The following CTNNA2 variants were observed in gnomAD, a reference collection of about 807,000 sequenced individuals.
CTNNA2 encodes the protein catenin alpha-2.
CTNNA2 carries 42 observed loss-of-function variants against 101.0 expected under a neutral mutation model. That is an observed-to-expected ratio of 0.42 (90% confidence interval 0.32 to 0.54). The LOEUF is 0.54. CTNNA2 is among the 20% of genes least tolerant of loss of function. The probability of loss-of-function intolerance (pLI) is 0.14; values close to 1 mark genes in which losing one functional copy is unlikely to be tolerated. For missense variants in CTNNA2, 871 were observed against 1,223.1 expected (o/e 0.71, Z 4.29); for synonymous variants, 450 against 456.4 (o/e 0.99, Z 0.18).
chr2:79,456,930 G>C (rs1037252450), intron 4 of CTNNA2, among the ~76,000 whole-genome samples: 2 of 152,258 alleles, frequency 1.3e-5, no homozygotes, highest in African/African-American at 4.8e-5. Context: ...GGCCGGGCAT[G>C]GTGGCTCACG....
At chr2:79,607,858 G>T (rs1210075931) in intron 1 of CTNNA2, among the ~76,000 whole-genome samples, 1 of 151,710 alleles carries the variant, frequency 6.6e-6, no homozygotes, top group African/African-American at 2.4e-5. Flanking sequence ...TAATAATCTA[G>T]AAAAAGAAGG....
chr2:79,265,395 A>G (rs1191703278), intron 2 of CTNNA2, among the ~76,000 whole-genome samples: 1 of 152,158 alleles, frequency 6.6e-6, no homozygotes, highest in Non-Finnish European at 1.5e-5. Flanking sequence ...TATTGGAGGG[A>G]TGTAGCTTTT....
At chr2:79,287,538 C>T (rs1573034335) in intron 2 of CTNNA2, among the ~76,000 whole-genome samples, 1 of 112,310 alleles carries the variant, frequency 8.9e-6, no homozygotes, top group South Asian at 3.0e-4. Context: ...TCTGCCCCTG[C>T]TGGGGGGTGC....
At chr2:80,396,839 C>T (rs992159018) in intron 8 of CTNNA2, among the ~76,000 whole-genome samples, 1 of 152,200 alleles carries the variant, frequency 6.6e-6, no homozygotes, top group Non-Finnish European at 1.5e-5. Flanking sequence ...TTCCTTCACC[C>T]TTACTAGCCA....
chr2:80,060,570 G>A (rs986749032), intron 7 of CTNNA2, among the ~76,000 whole-genome samples: 1 of 152,120 alleles, frequency 6.6e-6, no homozygotes, highest in Non-Finnish European at 1.5e-5. Context: ...TTATCACTGT[G>A]TGATTGTAAT....
chr2:79,419,172 A>C (rs79840024), intron 4 of CTNNA2, among the ~76,000 whole-genome samples: 7,241 of 152,218 alleles, frequency 0.048, 372 homozygotes, highest in African/African-American at 0.13. Context: ...TGTGTTACTT[A>C]CTAGCTTTGT....
intron 2 of CTNNA2, among the ~76,000 whole-genome samples, chr2:79,285,837 T>C (rs1675558908): frequency 6.8e-6 from 1 of 147,484 alleles, no homozygotes; most frequent in Admixed American, 6.6e-5. Context: ...TTGATCTGTC[T>C]AATGTTGACA....
chr2:79,189,551 A>C (rs182076650), intron 1 of CTNNA2, among the ~76,000 whole-genome samples: 1 of 152,328 alleles, frequency 6.6e-6, no homozygotes, highest in African/African-American at 2.4e-5. Context: ...TTCCGATAAT[A>C]TTGCTGCAAG....
At chr2:79,280,623 C>CTGTGTGTGTGTGTGTGTGTGTGTGTGTG in intron 2 of CTNNA2, among the ~76,000 whole-genome samples, 1 of 129,198 alleles carries the variant, frequency 7.7e-6, no homozygotes, top group African/African-American at 3.0e-5. Flanking sequence ...ATCCTGTATG[C>CTGTGTGTGTGTGTGTGTGTGTGTGTGTG]TGTGTGTGTG....
At chr2:80,262,506 C>T (rs997520014) in intron 7 of CTNNA2, among the ~76,000 whole-genome samples, 4 of 152,122 alleles carry the variant, frequency 2.6e-5, no homozygotes, top group Non-Finnish European at 4.4e-5. Flanking sequence ...AGAAGTGCTT[C>T]GCTGCTGCTT....
At chr2:79,708,443 T>G (rs1014791835) in intron 2 of CTNNA2, among the ~76,000 whole-genome samples, 1 of 152,230 alleles carries the variant, frequency 6.6e-6, no homozygotes. Context: ...TCATGAGATC[T>G]GTGTTCTGGT....
chr2:79,678,542 CAAA>C (rs569707654), intron 2 of CTNNA2, among the ~76,000 whole-genome samples: 2 of 99,016 alleles, frequency 2.0e-5, no homozygotes. Context: ...CTCAAACAAA[CAAA>C]AAAAAAAAAA....
At chr2:79,739,701 C>G (rs1671149174) in intron 2 of CTNNA2, among the ~76,000 whole-genome samples, 1 of 152,168 alleles carries the variant, frequency 6.6e-6, no homozygotes, top group Non-Finnish European at 1.5e-5. Flanking sequence ...TACCATCTAC[C>G]AAGACCTAGT....
chr2:80,392,170 T>C (rs1462344480), intron 7 of CTNNA2, among the ~76,000 whole-genome samples: 1 of 152,220 alleles, frequency 6.6e-6, no homozygotes, highest in East Asian at 1.9e-4. Flanking sequence ...TGCCAAATCA[T>C]GTTATCCCAT....
intron 7 of CTNNA2, among the ~76,000 whole-genome samples, chr2:80,159,055 T>C (rs1704151534): frequency 6.6e-6 from 1 of 152,188 alleles, no homozygotes; most frequent in African/African-American, 2.4e-5. Flanking sequence ...GACATGTGGG[T>C]TGTTTCCAGG....
rs766744531 is a variant in CTNNA2 at position 79,640,210 on chromosome 2, A to AAAGT, written c.-5-11341_-5-11338dup. 1.5e-3 allele frequency among the ~76,000 whole-genome samples: 232 copies of AAAGT among 152,308 alleles called. 1 individual carries two copies. The highest frequency in any genetic ancestry group is 9.4e-4 in the Non-Finnish European group (64 of 68,026). On this transcript the variant is annotated intron_variant, in intron 1 of 18. Transcript: ENST00000402739. Reference sequence around the variant, plus strand: ...ATACCAGTGGAATTCAGAGAAAAGAAAAGTCACTAGGGCTTGTGTAAACAG... The same window carrying AAAGT: ...ATACCAGTGGAATTCAGAGAAAAGAAAAGTAAGTCACTAGGGCTTGTGTAAACAG...
At chr2:80,163,503 A>C (rs1704469037) in intron 7 of CTNNA2, among the ~76,000 whole-genome samples, 1 of 151,980 alleles carries the variant, frequency 6.6e-6, no homozygotes, top group South Asian at 2.1e-4. Flanking sequence ...TAATTTGTTG[A>C]TGCTGGTTTT....
chr2:80,527,175 C>T (rs1375932300), intron 9 of CTNNA2, among the ~76,000 whole-genome samples: 3 of 152,224 alleles, frequency 2.0e-5, no homozygotes, highest in Admixed American at 2.0e-4. Flanking sequence ...AAAAAATTCT[C>T]AGATAACTCA....
intron 2 of CTNNA2, among the ~76,000 whole-genome samples, chr2:79,214,533 C>A (rs748999979): frequency 6.6e-6 from 1 of 152,044 alleles, no homozygotes; most frequent in African/African-American, 2.4e-5. Context: ...GGCTTTAATC[C>A]TTTTAAAGCG....
Sources: gnomAD v4.1 joint callset for allele counts (sites outside exome capture counted in the v4.1 genomes callset) on GRCh38, gnomAD v4.1.1 for gene constraint, MANE v1.5 for transcripts, NCBI Gene and HGNC (gene_info 2026-07-23, HGNC 2026-07-21) for gene names.